The following ACO2 variants were observed in gnomAD, a reference collection of about 807,000 sequenced individuals.
ACO2 encodes the protein aconitate hydratase, mitochondrial.
A neutral mutation model predicts 84.5 loss-of-function variants in ACO2; 31 were observed. That is an observed-to-expected ratio of 0.37 (90% CI 0.28 to 0.50). The LOEUF is 0.50. Among genes scored for constraint, ACO2 ranks in the 20% least tolerant of loss-of-function variants. ACO2 has a pLI of 0.97. For missense variants in ACO2, 685 were observed against 1,029.3 expected (o/e 0.67, Z 4.58); for synonymous variants, 414 against 412.7 (o/e 1.00, Z -0.04).
chr22:41,486,006 T>TGCCCTCTGCG (rs2038150154), intron 1 of ACO2, among the ~76,000 whole-genome samples: 1 of 152,172 alleles, frequency 6.6e-6, no homozygotes, highest in Non-Finnish European at 1.5e-5. Context: ...AATGCCTGGT[T>TGCCCTCTGCG]GCCCTCTGCG....
At chr22:41,489,780 T>A (rs1384965045) in intron 1 of ACO2, among the ~76,000 whole-genome samples, 1 of 152,006 alleles carries the variant, frequency 6.6e-6, no homozygotes, top group African/African-American at 2.4e-5. Flanking sequence ...ATGGTGGTAA[T>A]CAGATCCTGC....
intron 1 of ACO2, among the ~76,000 whole-genome samples, chr22:41,486,469 A>ATTTTTTTTT (rs1186941362): frequency 9.6e-6 from 1 of 104,490 alleles, no homozygotes; most frequent in African/African-American, 3.7e-5. Flanking sequence ...AACTTTTTGT[A>ATTTTTTTTT]TTTTTTTTTT....
At chr22:41,499,504 G>A (rs560202773) in intron 1 of ACO2, among the ~76,000 whole-genome samples, 2 of 152,268 alleles carry the variant, frequency 1.3e-5, no homozygotes, top group East Asian at 3.9e-4. Context: ...TGATCCCAGC[G>A]ATTTTTGTCT....
At chr22:41,507,270 T>C (rs2066400449) in intron 2 of ACO2, among the ~76,000 whole-genome samples, 1 of 152,070 alleles carries the variant, frequency 6.6e-6, no homozygotes, top group Non-Finnish European at 1.5e-5. Context: ...GGGTTGTAGA[T>C]GGCGGACAGG....
intron 1 of ACO2, among the ~76,000 whole-genome samples, chr22:41,479,976 T>A (rs1050677684): frequency 6.6e-6 from 1 of 152,214 alleles, no homozygotes; most frequent in Admixed American, 6.5e-5. Context: ...GGCTCCTTGC[T>A]CCCTTTCCAA....
At chr22:41,478,764 CTT>C (rs761466511) in intron 1 of ACO2, among the ~76,000 whole-genome samples, 8 of 125,850 alleles carry the variant, frequency 6.4e-5, no homozygotes, top group African/African-American at 1.5e-4. Flanking sequence ...CACATATCTT[CTT>C]TTTTTTTTTT....
chr22:41,509,727 G>A (rs1480382313), intron 3 of ACO2, among the ~76,000 whole-genome samples: 1 of 151,974 alleles, frequency 6.6e-6, no homozygotes, highest in Non-Finnish European at 1.5e-5. Flanking sequence ...GAGGTGGGCA[G>A]GGGCAGCCAG....
At chr22:41,469,204 T>G (rs1405619224) in intron 1 of ACO2, 22 bp downstream of exon 1, 2 of 1,604,930 alleles carry the variant, frequency 1.2e-6, no homozygotes, top group East Asian at 2.3e-5. Context: ...CAGGGACCTC[T>G]GGGTTCACGG....
In ACO2 at chr22:41,528,776, G is replaced by C. The variant is rs1035748250; in HGVS notation, c.*163G>C. 1.2e-5 allele frequency: 13 copies of C among 1,069,230 alleles called. No individual in the cohort carries two copies. The South Asian group carries it at 2.1e-4, about 17-fold the overall frequency. The allele number at this position is 1,069,230 out of a possible 1,614,324, so 66.2% of individuals were successfully genotyped here. A position where few individuals can be genotyped will look rare whatever the true frequency, so the allele number is the denominator to read the frequency against. On this transcript the variant is annotated 3_prime_UTR_variant, in exon 18 of 18. Transcript: ENST00000216254. Reference sequence around the variant, plus strand: ...CGGAGTGACTGTGGTTGTGGTGGGGGGGTTCTTAAAATAACTTTTTAGCCC... The same window carrying C: ...CGGAGTGACTGTGGTTGTGGTGGGGCGGTTCTTAAAATAACTTTTTAGCCC...
intron 1 of ACO2, among the ~76,000 whole-genome samples, chr22:41,487,105 A>C (rs2038167416): frequency 6.6e-6 from 1 of 152,066 alleles, no homozygotes. Flanking sequence ...GCTGGTCTCG[A>C]ACTCCTGTCC....
At chr22:41,524,400 G>T (rs1261718052) in intron 12 of ACO2, among the ~76,000 whole-genome samples, 6 of 152,194 alleles carry the variant, frequency 3.9e-5, no homozygotes, top group Non-Finnish European at 1.5e-5. Flanking sequence ...AGCCCTGGCC[G>T]TGACTGGCAC....
Position 41,508,822 on chromosome 22 carries a change from G to A in ACO2, c.432+773G>A, listed in dbSNP as rs573886384. On this transcript the variant is annotated intron_variant, in intron 3 of 17. Coordinates refer to ENST00000216254, the MANE Select transcript of ACO2 (RefSeq NM_001098.3). ...CTCTCCAGCCCCTGCAGTGGGAGTG[G>A]GTCCCCCTCACGGGGAGGGGCGTTG... 5.3e-5 allele frequency among the ~76,000 whole-genome samples: 8 copies of A among 152,310 alleles called. No individual in the cohort carries two copies. In the South Asian group the frequency reaches 1.2e-3, roughly 24 times the overall value.
At position 41,524,841 on chromosome 22, in the gene ACO2, T is replaced by G. The variant is rs777608158; in HGVS notation, c.1483-5T>G. ...TGACCAACAAACTGGCCACCTCCATTTCAGATTGTCACAGCCCTGGCCATT... is the reference window on the plus strand; with the variant it reads ...TGACCAACAAACTGGCCACCTCCATGTCAGATTGTCACAGCCCTGGCCATT... On this transcript the variant is annotated splice_polypyrimidine_tract_variant and splice_region_variant and intron_variant, in intron 12 of 17. Coordinates refer to ENST00000216254, the MANE Select transcript of ACO2 (RefSeq NM_001098.3). The G allele has an allele frequency of 1.9e-6, 3 of 1,614,112 alleles. No homozygotes were observed. Among genetic ancestry groups the G allele is most frequent in the Admixed American group, 1.7e-5 (1 of 60,026 alleles).
intron 1 of ACO2, among the ~76,000 whole-genome samples, chr22:41,481,843 T>C (rs1055984574): frequency 6.6e-6 from 1 of 152,252 alleles, no homozygotes; most frequent in African/African-American, 2.4e-5. Context: ...GTGTTGGACA[T>C]TGTCCTAGGT....
chr22:41,527,681 TG>T, intron 16 of ACO2: 1 of 802,022 alleles, frequency 1.2e-6, no homozygotes, highest in South Asian at 1.8e-5. Context: ...TTTCTGATCA[TG>T]AATGTGCAGC....
At chr22:41,475,897 C>CAA (rs34893746) in intron 1 of ACO2, among the ~76,000 whole-genome samples, 62 of 112,926 alleles carry the variant, frequency 5.5e-4, no homozygotes, top group East Asian at 1.9e-3. Context: ...AACTCTGTCT[C>CAA]AAAAAAAAAA....
At chr22:41,506,252 T>C (rs2066392185) in intron 2 of ACO2, among the ~76,000 whole-genome samples, 1 of 151,508 alleles carries the variant, frequency 6.6e-6, no homozygotes, top group East Asian at 1.9e-4. Flanking sequence ...CCTGTCTGGC[T>C]CATTCTTTTT....
chr22:41,497,933 C>T lies in ACO2; in HGVS notation c.37-1793C>T, dbSNP rs532759359. Among the ~76,000 whole-genome samples the T allele has an allele frequency of 2.6e-5, 4 of 152,072 alleles. No individual in the cohort carries two copies. In the East Asian group the frequency reaches 7.7e-4, roughly 29 times the overall value. ...GGCCGAGGCAGGCGGATCACGAGTTCAAGAGATCGAGAACATCCTGGCCAA... is the reference window on the plus strand; with the variant it reads ...GGCCGAGGCAGGCGGATCACGAGTTTAAGAGATCGAGAACATCCTGGCCAA... On this transcript the variant is annotated intron_variant, in intron 1 of 17. Transcript: ENST00000216254.
rs1176192778 is a variant in ACO2 at position 41,525,203 on chromosome 22, C to G, written c.1616C>G (p.Pro539Arg). The G allele has an allele frequency of 3.1e-6, 5 of 1,613,858 alleles. No homozygotes were observed. The highest frequency in any genetic ancestry group is 4.2e-6 in the Non-Finnish European group (5 of 1,179,930). ...ADELPKGEFD[P>R]GQDTYQHPPK... is the part of the protein sequence containing the mutation. ...CATTCCCTGCTGCAGGAGTTTGACC[C>G]AGGGCAGGACACCTACCAGCACCCA... Residue 539 changes from proline (P) to arginine (R), a missense_variant, in exon 14 of 18, where the codon CCA becomes CGA. Around this residue, in one of 5 missense-constraint regions of ACO2, gnomAD observed 311 missense variants for 441.6 expected, o/e 0.70. Transcript: ENST00000216254.
Sources: gnomAD v4.1 joint callset for allele counts (sites outside exome capture counted in the v4.1 genomes callset) on GRCh38, gnomAD v4.1.1 for gene constraint, gnomAD v4.1.1 regional missense constraint, MANE v1.5 for transcripts, NCBI Gene and HGNC (gene_info 2026-07-23, HGNC 2026-07-21) for gene names.